Variants in COL28A1 observed in about 807,000 individuals in gnomAD.
The protein encoded by COL28A1 is collagen type XXVIII alpha 1 chain, also known as collagen alpha-1(XXVIII) chain.
A neutral mutation model predicts 150.2 loss-of-function variants in COL28A1; 161 were observed. The observed-to-expected ratio is 1.07, with a 90% CI of 0.94 to 1.22. COL28A1 has a LOEUF of 1.22. Ranked by LOEUF, COL28A1 falls within the 50% of genes most tolerant of loss-of-function variation. The pLI, the probability that COL28A1 is intolerant of heterozygous loss-of-function variation, is 0.00. For synonymous variants in COL28A1, 552 were observed against 469.7 expected (o/e 1.18, Z -2.26); for missense variants, 1,617 against 1,388.3 (o/e 1.16, Z -2.62).
intron 9 of COL28A1, among the ~76,000 whole-genome samples, chr7:7,510,181 T>A (rs188776089): frequency 5.9e-5 from 9 of 152,318 alleles, no homozygotes; most frequent in African/African-American, 2.2e-4. Context: ...TTTGGACCCT[T>A]TAACATCATG....
chr7:7,373,204 A>C lies in COL28A1; in HGVS notation c.2702T>G (p.Val901Gly). 1 of 1,614,162 alleles carries C rather than the reference A, an allele frequency of 6.2e-7. No homozygotes were observed. The highest frequency in any genetic ancestry group is 8.5e-7 in the Non-Finnish European group (1 of 1,180,036). ...AGAATCTGTCTGTCCATCAGTGATG[A>C]CCAAGGCCACTTTTTTTACACCTGG... ...ARPGVKKVALVITDGQTDSRD... is the reference protein window; with the variant it reads ...ARPGVKKVALGITDGQTDSRD... Residue 901 changes from valine to glycine, a missense_variant, in exon 32 of 35, where the codon GTC (valine) becomes GGC (glycine). Physicochemically the swap from Val to Gly is moderately radical, Grantham distance 109 (BLOSUM62 -3). Transcript: ENST00000399429. The surrounding 1 kb of genome is among the most constrained non-coding windows in gnomAD (Gnocchi z 4.1).
intron 25 of COL28A1, among the ~76,000 whole-genome samples, chr7:7,426,417 G>A (rs1784645414): frequency 6.6e-6 from 1 of 152,174 alleles, no homozygotes; most frequent in African/African-American, 2.4e-5. Context: ...GGAAGTTTTA[G>A]AGGCTTTTTT....
At chr7:7,506,876 CT>C (rs1174864156) in intron 10 of COL28A1, among the ~76,000 whole-genome samples, 1 of 152,196 alleles carries the variant, frequency 6.6e-6, no homozygotes, top group Non-Finnish European at 1.5e-5. Flanking sequence ...CTCACTAATA[CT>C]TGCCTGTTGG....
intron 5 of COL28A1, 36 bp downstream of exon 5, chr7:7,521,869 C>G (rs991372143): frequency 4.5e-6 from 4 of 881,866 alleles, no homozygotes; most frequent in Non-Finnish European, 7.8e-6. Context: ...ATTGCTAGGA[C>G]TTTCTGACTT....
At chr7:7,394,007 G>A (rs770219577) in intron 27 of COL28A1, among the ~76,000 whole-genome samples, 50 of 151,986 alleles carry the variant, frequency 3.3e-4, no homozygotes, top group East Asian at 5.8e-4. Context: ...CAGCTAGCTC[G>A]GTGTCTGCCC....
intron 26 of COL28A1, 146 bp downstream of exon 26, chr7:7,419,739 C>A: frequency 2.3e-6 from 1 of 444,388 alleles, no homozygotes; most frequent in South Asian, 8.6e-5. Context: ...TGAACGTTCA[C>A]CTGATATGAA....
At chr7:7,453,789 T>C (rs1434453991) in intron 16 of COL28A1, among the ~76,000 whole-genome samples, 3 of 151,954 alleles carry the variant, frequency 2.0e-5, no homozygotes, top group Non-Finnish European at 4.4e-5. Flanking sequence ...TTCTAGCCAA[T>C]GGGATAGGAA....
At chr7:7,526,696 C>T (rs1367876837) in intron 3 of COL28A1, among the ~76,000 whole-genome samples, 1 of 152,042 alleles carries the variant, frequency 6.6e-6, no homozygotes, top group Admixed American at 6.5e-5. Context: ...CATGCAGTGG[C>T]ATGATCTTGG....
intron 15 of COL28A1, among the ~76,000 whole-genome samples, chr7:7,473,727 A>G (rs966484148): frequency 1.3e-5 from 2 of 152,154 alleles, no homozygotes; most frequent in African/African-American, 4.8e-5. Context: ...CGAAAAAGAT[A>G]CTTGCACATA....
At chr7:7,478,688 C>T (rs182761797) in intron 13 of COL28A1, among the ~76,000 whole-genome samples, 158 of 152,362 alleles carry the variant, frequency 1.0e-3, no homozygotes, top group Non-Finnish European at 1.7e-3. Context: ...AGCCCTGCCC[C>T]GCGGAGAGGC....
chr7:7,342,772 T>C, the COL28A1 span, among the ~76,000 whole-genome samples: 1 of 152,076 alleles, frequency 6.6e-6, no homozygotes, highest in Non-Finnish European at 1.5e-5. Context: ...TAAAACATCA[T>C]ATTATGATTA....
In COL28A1 at chr7:7,381,612, C is replaced by G; in HGVS notation, c.2137G>C (p.Gly713Arg). ...PPGYGSQGIKGEQGPQGFPGP... is the reference protein window; with the variant it reads ...PPGYGSQGIKREQGPQGFPGP... ...GGGAAGCCTTGTGGTCCTTGTTCCC[C>G]CTACATAGGATATGAGAAAGAGATG... Residue 713 changes from glycine to arginine, a missense_variant and splice_region_variant, in exon 28 of 35, where the codon GGG becomes CGG. Transcript: ENST00000399429. 1 of 1,611,894 alleles carries G rather than the reference C, an allele frequency of 6.2e-7. No individual in the cohort carries two copies. Among genetic ancestry groups the G allele is most frequent in the Non-Finnish European group, 8.5e-7 (1 of 1,177,980 alleles).
intron 9 of COL28A1, among the ~76,000 whole-genome samples, chr7:7,510,488 T>C (rs571923894): frequency 1.3e-5 from 2 of 152,342 alleles, no homozygotes; most frequent in African/African-American, 4.8e-5. Flanking sequence ...TTTCACCGTA[T>C]TGGTCAGGCT....
At chr7:7,463,812 T>A (rs1787833602) in intron 15 of COL28A1, among the ~76,000 whole-genome samples, 2 of 152,182 alleles carry the variant, frequency 1.3e-5, no homozygotes, top group South Asian at 4.1e-4. Flanking sequence ...ACCTCACATC[T>A]CAATACTAAC....
intron 11 of COL28A1, among the ~76,000 whole-genome samples, chr7:7,494,266 GT>G (rs200518804): frequency 1.3e-3 from 196 of 150,780 alleles, no homozygotes; most frequent in Middle Eastern, 0.01. Flanking sequence ...TGGGGTTTGG[GT>G]TTTTTTTTCG....
intron 15 of COL28A1, among the ~76,000 whole-genome samples, chr7:7,466,536 G>T (rs1336226881): frequency 2.1e-5 from 2 of 93,198 alleles, no homozygotes; most frequent in Non-Finnish European, 3.8e-5. Context: ...CACTCTGCAG[G>T]ATATTATCCA....
At chr7:7,415,289 G>A (rs1784007010) in intron 27 of COL28A1, among the ~76,000 whole-genome samples, 1 of 152,208 alleles carries the variant, frequency 6.6e-6, no homozygotes, top group Non-Finnish European at 1.5e-5. Flanking sequence ...TAGGAAATAA[G>A]TCAACAAATG....
At chr7:7,505,785 T>G (rs900120597) in intron 11 of COL28A1, among the ~76,000 whole-genome samples, 17 of 152,214 alleles carry the variant, frequency 1.1e-4, no homozygotes, top group African/African-American at 4.1e-4. Flanking sequence ...TAATGGCTTA[T>G]AGTTAACAAT....
At chr7:7,488,206 G>C (rs1159646055) in intron 13 of COL28A1, among the ~76,000 whole-genome samples, 1 of 152,158 alleles carries the variant, frequency 6.6e-6, no homozygotes, top group African/African-American at 2.4e-5. Flanking sequence ...TATCTTTAAT[G>C]GTACTATCTA....
Sources: allele counts gnomAD v4.1 joint callset (sites outside exome capture counted in the v4.1 genomes callset), GRCh38; gene constraint gnomAD v4.1.1; non-coding constraint Gnocchi (gnomAD v3.1); transcripts MANE v1.5; gene names NCBI Gene and HGNC (gene_info 2026-07-23, HGNC 2026-07-21).